The following EMC1 variants were observed in gnomAD, a reference collection of about 807,000 sequenced individuals.
EMC1 encodes the protein ER membrane protein complex subunit 1.
EMC1 carries 103 observed loss-of-function variants against 128.8 expected under a neutral mutation model. The ratio of observed to expected loss-of-function variants is 0.80; its 90% confidence interval spans 0.68 to 0.94. The LOEUF (loss-of-function observed/expected upper bound fraction) is 0.94. Among genes scored for constraint, EMC1 ranks in the 40% least tolerant of loss-of-function variants. The pLI is 0.00. For synonymous variants in EMC1, 442 were observed against 490.4 expected (o/e 0.90, Z 1.30); for missense variants, 1,083 against 1,250.6 (o/e 0.87, Z 2.02).
chr1:19,242,149 AAAGG>A (rs2093609663), intron 5 of EMC1, among the ~76,000 whole-genome samples, 192 bp downstream of exon 5: 1 of 152,184 alleles, frequency 6.6e-6, no homozygotes. Flanking sequence ...TCCTCAGTGC[AAAGG>A]AAACTCCAGG....
Position 19,231,384 on chromosome 1 carries a change from A to G in EMC1, c.1821T>C (p.Ile607=), listed in dbSNP as rs151131771. The G allele has an allele frequency of 1.2e-6, 2 of 1,612,152 alleles. No individual in the cohort carries two copies. The highest frequency in any genetic ancestry group is 2.7e-5 in the African/African-American group (2 of 74,748). Residue 607 remains isoleucine, a synonymous_variant, in exon 16 of 23, where the codon ATT becomes ATC. Transcript: ENST00000477853. The part of the protein sequence containing the change: ...GMSSLYVFNP[I]FGKWSQVAPP... ...GAGCTACCTGACTCCACTTCCCAAAAATGGGATTGAAGACATACAGAGAAC... is the reference window on the plus strand; with the variant it reads ...GAGCTACCTGACTCCACTTCCCAAAGATGGGATTGAAGACATACAGAGAAC...
intron 13 of EMC1, among the ~76,000 whole-genome samples, chr1:19,234,643 T>C (rs2151951628): frequency 6.6e-6 from 1 of 152,234 alleles, no homozygotes; most frequent in Middle Eastern, 3.4e-3. Context: ...GTCAGGAGTT[T>C]GAGACCAGCC....
Position 19,243,858 on chromosome 1 carries a change from C to T in EMC1, c.286+92G>A, listed in dbSNP as rs2294945. The T allele has an allele frequency of 5.8e-4, 873 of 1,494,982 alleles. 10 individuals carry two copies. In the East Asian group the frequency reaches 0.018, roughly 32 times the overall value. The allele number at this position is 1,494,982 out of a possible 1,614,324, so 92.6% of individuals were successfully genotyped here. On this transcript the variant is annotated intron_variant, in intron 3 of 22. Transcript: ENST00000477853. ...CTTCACTGTCAGGAGTCCCCAGTCTCCTTTCCCTACCAGACCCTGTACAGA... is the reference window on the plus strand; with the variant it reads ...CTTCACTGTCAGGAGTCCCCAGTCTTCTTTCCCTACCAGACCCTGTACAGA...
At chr1:19,226,895 CAT>C (rs2093478644) in intron 18 of EMC1, among the ~76,000 whole-genome samples, 1 of 152,142 alleles carries the variant, frequency 6.6e-6, no homozygotes, top group Admixed American at 6.6e-5. Flanking sequence ...ATTAGCATGA[CAT>C]GTGCCTGTGG....
intron 1 of EMC1, among the ~76,000 whole-genome samples, chr1:19,250,303 A>C (rs915325138): frequency 2.6e-5 from 4 of 151,296 alleles, no homozygotes; most frequent in African/African-American, 9.7e-5. Context: ...CTGGGCTCAG[A>C]GCAGAGCTGC....
intron 12 of EMC1, among the ~76,000 whole-genome samples, chr1:19,236,664 A>T (rs2093566505): frequency 7.0e-6 from 1 of 142,034 alleles, no homozygotes; most frequent in South Asian, 2.3e-4. Context: ...CGTCTCAAAA[A>T]AAAAAAAAAA....
chr1:19,245,627 CTT>C (rs539316345), intron 1 of EMC1, among the ~76,000 whole-genome samples: 8 of 123,074 alleles, frequency 6.5e-5, no homozygotes, highest in Non-Finnish European at 6.4e-5. Flanking sequence ...CCTTACCTTT[CTT>C]TTTTTTTTTT....
intron 13 of EMC1, among the ~76,000 whole-genome samples, chr1:19,234,472 G>A (rs1436584170): frequency 5.9e-5 from 9 of 152,168 alleles, no homozygotes; most frequent in Non-Finnish European, 2.9e-5. Context: ...AGATATGGCT[G>A]CTGCTTTAGG....
At chr1:19,227,236 C>T (rs1433579919) in intron 18 of EMC1, 77 bp downstream of exon 18, 1 of 1,547,998 alleles carries the variant, frequency 6.5e-7, no homozygotes, top group African/African-American at 1.4e-5. Flanking sequence ...TGTACCAAGT[C>T]CTACAGCCAG....
chr1:19,243,613 C>A lies in EMC1; in HGVS notation c.380+1G>T. 6.2e-7 allele frequency: 1 copy of A among 1,613,376 alleles called. No homozygotes were observed. The highest frequency in any genetic ancestry group is 8.5e-7 in the Non-Finnish European group (1 of 1,179,238). On this transcript the variant is annotated splice_donor_variant, in intron 4 of 22. Coordinates refer to ENST00000477853, the MANE Select transcript of EMC1 (RefSeq NM_015047.3). LOFTEE classifies it high-confidence loss of function. ...AAGATAAAATCCAGTTTCTCCCCTA[C>A]CTGCCACTGTCCAGGGTTATCTCCC... is the stretch of plus-strand genomic sequence containing the variant.
At position 19,227,315 on chromosome 1, in the gene EMC1, T is replaced by C. The variant is rs2093482690; in HGVS notation, c.2200A>G (p.Lys734Glu). 4.3e-6 allele frequency: 7 copies of C among 1,614,098 alleles called. No homozygotes were observed. Among genetic ancestry groups the C allele is most frequent in the Non-Finnish European group, 5.9e-6 (7 of 1,179,950 alleles). The change falls in exon 18 of 23, where the codon AAG becomes GAG. Residue 734 changes from lysine (K) to glutamate (E), a missense_variant and splice_region_variant. Lys to Glu is a moderately conservative substitution (Grantham distance 56). Coordinates refer to ENST00000477853, the MANE Select transcript of EMC1 (RefSeq NM_015047.3). The part of the protein sequence containing the change: ...RVMGDRSVLY[K>E]SLNPNLLAVV... ...ACCAGACAGCTGGCTGTATGTACCT[T>C]GTAGAGCACACTGCGGTCCCCCATC...
rs1401734479 is a variant in EMC1, at chr1:19,218,501, T to C, written c.*802A>G. On this transcript the variant is annotated 3_prime_UTR_variant, in exon 23 of 23. Transcript: ENST00000477853. ...CCAGCCTGTGGGTGAAATGAGAGAT[T>C]ATCTCTTCTCCCTGGAAATGTCTTC... 6.6e-6 allele frequency: 1 copy of C among 152,160 alleles called. No individual in the cohort carries two copies. Among genetic ancestry groups the C allele is most frequent in the African/African-American group, 2.4e-5 (1 of 41,424 alleles). 9.4% of individuals were successfully genotyped at this position (152,160 alleles called of 1,614,324 possible). A position where few individuals can be genotyped will look rare whatever the true frequency, so the allele number is the denominator to read the frequency against.
At chr1:19,225,460 G>A (rs2151941549) in intron 18 of EMC1, among the ~76,000 whole-genome samples, 1 of 152,288 alleles carries the variant, frequency 6.6e-6, no homozygotes, top group East Asian at 1.9e-4. Context: ...GACCATCCTG[G>A]CCAACATGGT....
intron 7 of EMC1, 95 bp from the exon 8 acceptor site, chr1:19,240,080 G>A: frequency 7.4e-7 from 1 of 1,346,018 alleles, no homozygotes; most frequent in Middle Eastern, 2.7e-4. Context: ...GCCGGGGGAA[G>A]TAACTGGGCC....
At chr1:19,223,148 T>G in intron 19 of EMC1, 1 of 561,976 alleles carries the variant, frequency 1.8e-6, no homozygotes, top group East Asian at 2.9e-5. Context: ...TTATCCCTAT[T>G]TTAACAATGA....
intron 17 of EMC1, among the ~76,000 whole-genome samples, chr1:19,230,130 C>A (rs536522100): frequency 1.3e-5 from 2 of 152,310 alleles, no homozygotes; most frequent in African/African-American, 4.8e-5. Context: ...CAAACTGACC[C>A]CCTTTCTAGA....
At chr1:19,235,771 T>C (rs1018596033) in intron 12 of EMC1, among the ~76,000 whole-genome samples, 1 of 152,088 alleles carries the variant, frequency 6.6e-6, no homozygotes. Context: ...CGAGCGCCTG[T>C]AGTCACAGCT....
Position 19,223,403 on chromosome 1 carries a change from C to T in EMC1, c.2369G>A (p.Trp790Ter). ...CTGGTAGTGACCGCTTACCACCACC[C>T]AGTTCTCTGAATGCACGATATGGAC... ...GPVHIVHSEN[W>*]VVYQYWNTKA... The change falls in exon 19 of 23, where the codon TGG (tryptophan) becomes TAG (stop). Residue 790 changes from tryptophan to a stop codon, truncating the protein, a stop_gained. Transcript: ENST00000477853. LOFTEE classifies it high-confidence loss of function. 6.2e-7 allele frequency: 1 copy of T among 1,613,958 alleles called. No individual in the cohort carries two copies. The highest frequency in any genetic ancestry group is 1.1e-5 in the South Asian group (1 of 91,054).
chr1:19,239,320 C>T lies in EMC1; in HGVS notation c.955-18G>A. 1.9e-6 allele frequency: 3 copies of T among 1,612,510 alleles called. No individual in the cohort carries two copies. The highest frequency in any genetic ancestry group is 2.5e-6 in the Non-Finnish European group (3 of 1,178,552). On this transcript the variant is annotated intron_variant, in intron 8 of 22. Coordinates refer to ENST00000477853, the MANE Select transcript of EMC1 (RefSeq NM_015047.3). ...AGGGCAGTCTGGGGGAAAAGCAAGGCATCAGCTCCTAAATGGGACCAGTAC... is the reference window on the plus strand; with the variant it reads ...AGGGCAGTCTGGGGGAAAAGCAAGGTATCAGCTCCTAAATGGGACCAGTAC...
Sources: allele counts gnomAD v4.1 joint callset (sites outside exome capture counted in the v4.1 genomes callset), GRCh38; gene constraint gnomAD v4.1.1; transcripts MANE v1.5; gene names NCBI Gene and HGNC (gene_info 2026-07-23, HGNC 2026-07-21).